The following GULP1 variants were observed in gnomAD, a reference collection of about 807,000 sequenced individuals.
GULP1 encodes the protein PTB domain-containing engulfment adapter protein 1.
Under a neutral mutation model 40.9 loss-of-function variants are expected in GULP1, and 19 were observed. That is an observed-to-expected ratio of 0.46 (90% CI 0.32 to 0.68). The LOEUF is 0.68. GULP1 is among the 30% of genes least tolerant of loss of function. The probability of loss-of-function intolerance (pLI) is 0.03; values close to 1 mark genes in which losing one functional copy is unlikely to be tolerated. For missense variants in GULP1, 312 were observed against 362.2 expected (o/e 0.86, Z 1.12); for synonymous variants, 119 against 117.6 (o/e 1.01, Z -0.08).
chr2:188,554,588 C>T (rs1694295083), intron 7 of GULP1, among the ~76,000 whole-genome samples: 1 of 150,176 alleles, frequency 6.7e-6, no homozygotes, highest in South Asian at 2.1e-4. Context: ...GGGGAATGTT[C>T]TATGTGCTAA....
At chr2:188,366,236 A>G (rs959179803) in intron 1 of GULP1, among the ~76,000 whole-genome samples, 2 of 152,154 alleles carry the variant, frequency 1.3e-5, no homozygotes, top group Non-Finnish European at 2.9e-5. Flanking sequence ...GAAAAACAAA[A>G]CAAAGCAAAG....
intron 7 of GULP1, among the ~76,000 whole-genome samples, chr2:188,568,262 A>G (rs982932744): frequency 6.6e-5 from 10 of 152,224 alleles, no homozygotes; most frequent in Non-Finnish European, 1.2e-4. Context: ...CATTTTCAAT[A>G]TATATTACTA....
At chr2:188,410,007 A>G (rs1157703818) in intron 2 of GULP1, among the ~76,000 whole-genome samples, 1 of 152,184 alleles carries the variant, frequency 6.6e-6, no homozygotes, top group African/African-American at 2.4e-5. Context: ...ACATAAGCCA[A>G]TGAAGCAGGA....
intron 2 of GULP1, among the ~76,000 whole-genome samples, chr2:188,389,311 T>G (rs1307175598): frequency 6.6e-6 from 1 of 152,202 alleles, no homozygotes; most frequent in Non-Finnish European, 1.5e-5. Context: ...TTATTGAGGA[T>G]TAATTAAGGA....
At chr2:188,511,844 T>C (rs1050232628) in intron 4 of GULP1, among the ~76,000 whole-genome samples, 4 of 152,192 alleles carry the variant, frequency 2.6e-5, no homozygotes, top group Non-Finnish European at 5.9e-5. Context: ...AAAAATTTTC[T>C]ATCAAAACTT....
At chr2:188,357,939 G>A (rs2045571643) in intron 1 of GULP1, among the ~76,000 whole-genome samples, 1 of 152,168 alleles carries the variant, frequency 6.6e-6, no homozygotes. Flanking sequence ...AGCACTTTGG[G>A]AGGCTGAAGC....
At chr2:188,509,668 A>T (rs1447230889) in intron 4 of GULP1, among the ~76,000 whole-genome samples, 1 of 152,076 alleles carries the variant, frequency 6.6e-6, no homozygotes, top group Non-Finnish European at 1.5e-5. Flanking sequence ...GCATGGGAGG[A>T]GGTTTTCTTA....
chr2:188,551,826 C>T (rs540761217), intron 7 of GULP1, among the ~76,000 whole-genome samples: 29 of 151,904 alleles, frequency 1.9e-4, no homozygotes, highest in African/African-American at 6.3e-4. Context: ...TCCACATCCT[C>T]GCCAACCTCT....
chr2:188,488,272 C>T (rs1018428288), intron 4 of GULP1, among the ~76,000 whole-genome samples: 3 of 151,986 alleles, frequency 2.0e-5, no homozygotes, highest in Non-Finnish European at 4.4e-5. Context: ...ATTAGAGCAG[C>T]CATTTCTGGG....
At chr2:188,358,202 C>A (rs2045613774) in intron 1 of GULP1, among the ~76,000 whole-genome samples, 1 of 151,940 alleles carries the variant, frequency 6.6e-6, no homozygotes. Flanking sequence ...ACAACAACAA[C>A]AACAACAATT....
intron 1 of GULP1, among the ~76,000 whole-genome samples, chr2:188,304,230 A>G (rs2036648264): frequency 6.6e-6 from 1 of 152,188 alleles, no homozygotes; most frequent in Non-Finnish European, 1.5e-5. Flanking sequence ...AATCAGATAA[A>G]GTAAAAATAG....
At chr2:188,311,389 G>C (rs984237602) in intron 1 of GULP1, among the ~76,000 whole-genome samples, 1 of 152,114 alleles carries the variant, frequency 6.6e-6, no homozygotes, top group African/African-American at 2.4e-5. Flanking sequence ...TAGAGACGGG[G>C]TTTCACCATG....
intron 9 of GULP1, among the ~76,000 whole-genome samples, chr2:188,577,513 A>G (rs1470155762): frequency 6.6e-6 from 1 of 152,138 alleles, no homozygotes; most frequent in Non-Finnish European, 1.5e-5. Context: ...CATAATTGTT[A>G]GTTGCACAAG....
chr2:188,558,404 G>T (rs1175976076), intron 7 of GULP1, among the ~76,000 whole-genome samples: 1 of 152,116 alleles, frequency 6.6e-6, no homozygotes, highest in East Asian at 1.9e-4. Flanking sequence ...TTCGCCTCCT[G>T]CCATGATTCT....
At chr2:188,329,830 G>T (rs1248125122) in intron 1 of GULP1, among the ~76,000 whole-genome samples, 1 of 152,160 alleles carries the variant, frequency 6.6e-6, no homozygotes, top group Non-Finnish European at 1.5e-5. Context: ...GACAGGATTT[G>T]CTGATGGATA....
intron 2 of GULP1, among the ~76,000 whole-genome samples, chr2:188,394,162 A>T (rs966832284): frequency 1.3e-5 from 2 of 152,130 alleles, no homozygotes; most frequent in Admixed American, 6.5e-5. Context: ...AACACCAGTT[A>T]TTCTTAGGTT....
chr2:188,431,240 C>T (rs1185049034), intron 2 of GULP1, among the ~76,000 whole-genome samples: 1 of 151,884 alleles, frequency 6.6e-6, no homozygotes, highest in Non-Finnish European at 1.5e-5. Flanking sequence ...TTTTTAAAAC[C>T]TTCAAAATAA....
At position 188,330,628 on chromosome 2, in the gene GULP1, A is replaced by G. The variant is rs572832948; in HGVS notation, c.-172+38462A>G. ...TTATGTCTAACTTTTAGTATTTTGA[A>G]TAAAAGGCAATTTGCAATAGTAAAG... On this transcript the variant is annotated intron_variant, in intron 1 of 11. Transcript: ENST00000409830. 2.6e-5 allele frequency among the ~76,000 whole-genome samples: 4 copies of G among 152,326 alleles called. No individual in the cohort carries two copies. In the East Asian group the frequency reaches 7.7e-4, roughly 29 times the overall value.
At chr2:188,562,504 T>C (rs1486512268) in intron 7 of GULP1, among the ~76,000 whole-genome samples, 3 of 152,230 alleles carry the variant, frequency 2.0e-5, no homozygotes, top group Non-Finnish European at 4.4e-5. Context: ...TGCCAAGATG[T>C]ATTTATGAAA....
Sources: gnomAD v4.1 joint callset for allele counts (sites outside exome capture counted in the v4.1 genomes callset) on GRCh38, gnomAD v4.1.1 for gene constraint, MANE v1.5 for transcripts, NCBI Gene and HGNC (gene_info 2026-07-23, HGNC 2026-07-21) for gene names.